The following DLG2 variants were observed in gnomAD, a reference collection of about 807,000 sequenced individuals.
DLG2 encodes the protein disks large homolog 2.
DLG2 carries 45 observed loss-of-function variants against 132.5 expected under a neutral mutation model. The observed-to-expected ratio is 0.34, with a 90% CI of 0.27 to 0.44. The LOEUF (loss-of-function observed/expected upper bound fraction) is 0.44. DLG2 is among the 20% of genes least tolerant of loss of function. DLG2 has a pLI of 1.00. For missense variants in DLG2, 1,045 were observed against 1,196.9 expected (o/e 0.87, Z 1.87); for synonymous variants, 424 against 419.6 (o/e 1.01, Z -0.13).
intron 4 of DLG2, among the ~76,000 whole-genome samples, chr11:85,211,348 T>G (rs1014189245): frequency 6.6e-6 from 1 of 152,168 alleles, no homozygotes; most frequent in Admixed American, 6.6e-5. Context: ...GTATTCACAA[T>G]GTATGGAGCA....
At chr11:85,133,174 C>T (rs1011185781) in intron 5 of DLG2, 35 of 174,652 alleles carry the variant, frequency 2.0e-4, no homozygotes, top group Admixed American at 8.9e-4. Context: ...TCAGCTCTTG[C>T]TCTTGTTTCT....
chr11:85,145,251 A>G (rs1198115474), intron 5 of DLG2, among the ~76,000 whole-genome samples: 1 of 151,706 alleles, frequency 6.6e-6, no homozygotes, highest in Non-Finnish European at 1.5e-5. Context: ...TTCATTTAGG[A>G]TCCTTTCTTT....
chr11:85,594,786 G>C (rs887902681), intron 3 of DLG2, among the ~76,000 whole-genome samples: 3 of 152,068 alleles, frequency 2.0e-5, no homozygotes, highest in Admixed American at 6.5e-5. Flanking sequence ...AATGATTCAA[G>C]GCCGGGCACG....
intron 8 of DLG2, among the ~76,000 whole-genome samples, chr11:84,174,966 A>G (rs554076482): frequency 4.6e-5 from 7 of 152,182 alleles, no homozygotes; most frequent in Non-Finnish European, 8.8e-5. Context: ...CAAAGAAGCT[A>G]GTTTCTAAGT....
chr11:84,532,250 C>T (rs193125176), intron 7 of DLG2, among the ~76,000 whole-genome samples: 12 of 150,208 alleles, frequency 8.0e-5, no homozygotes, highest in African/African-American at 2.9e-4. Flanking sequence ...AATCTCACTA[C>T]TTTCAGGCAT....
At chr11:85,171,382 C>A (rs1163678256) in intron 4 of DLG2, among the ~76,000 whole-genome samples, 2 of 152,076 alleles carry the variant, frequency 1.3e-5, no homozygotes, top group Admixed American at 1.3e-4. Flanking sequence ...CCATGGTTTC[C>A]CCATGGATCT....
intron 6 of DLG2, among the ~76,000 whole-genome samples, chr11:84,982,560 C>T (rs1437536937): frequency 6.6e-6 from 1 of 152,070 alleles, no homozygotes; most frequent in Non-Finnish European, 1.5e-5. Context: ...GTACAAACTA[C>T]CACCTATAAC....
chr11:84,343,665 T>C (rs1006569022), intron 7 of DLG2, among the ~76,000 whole-genome samples: 6 of 152,318 alleles, frequency 3.9e-5, no homozygotes, highest in African/African-American at 7.2e-5. Context: ...GCAATAGTAA[T>C]AATTTTGTTA....
intron 9 of DLG2, among the ~76,000 whole-genome samples, chr11:84,117,766 T>C (rs556726347): frequency 1.3e-5 from 2 of 152,352 alleles, no homozygotes; most frequent in African/African-American, 4.8e-5. Flanking sequence ...ATATAATAAA[T>C]ATGCAATAAG....
chr11:84,556,426 A>T (rs2099412084), intron 6 of DLG2, among the ~76,000 whole-genome samples: 2 of 152,338 alleles, frequency 1.3e-5, no homozygotes, highest in South Asian at 2.1e-4. Context: ...TGGTTAGAGC[A>T]AGAGTATCCA....
intron 6 of DLG2, among the ~76,000 whole-genome samples, chr11:84,801,450 AG>A (rs2075366670): frequency 1.3e-5 from 2 of 152,226 alleles, no homozygotes; most frequent in Admixed American, 6.5e-5. Flanking sequence ...GGGCGCCTGT[AG>A]TCCCAGCTAC....
intron 6 of DLG2, among the ~76,000 whole-genome samples, chr11:84,845,345 A>T (rs1359461955): frequency 6.6e-6 from 1 of 152,144 alleles, no homozygotes; most frequent in Non-Finnish European, 1.5e-5. Flanking sequence ...GGCCAGGTAC[A>T]ATTTTAGGTG....
chr11:85,196,796 G>A (rs1246022758), intron 4 of DLG2, among the ~76,000 whole-genome samples: 2 of 152,150 alleles, frequency 1.3e-5, no homozygotes, highest in Non-Finnish European at 2.9e-5. Context: ...ACTACATGTG[G>A]AAAGTAGCTT....
At chr11:85,022,085 A>T (rs1459344474) in intron 6 of DLG2, among the ~76,000 whole-genome samples, 1 of 152,082 alleles carries the variant, frequency 6.6e-6, no homozygotes, top group East Asian at 1.9e-4. Flanking sequence ...TTAGTCATAA[A>T]ATAGGAATGT....
chr11:84,215,481 G>C (rs2096824013), intron 8 of DLG2, among the ~76,000 whole-genome samples: 1 of 151,946 alleles, frequency 6.6e-6, no homozygotes, highest in Admixed American at 6.6e-5. Context: ...GCAGTTTCCA[G>C]GCTGTTAACA....
intron 7 of DLG2, among the ~76,000 whole-genome samples, chr11:84,373,067 C>G (rs2098712456): frequency 6.6e-6 from 1 of 151,318 alleles, no homozygotes; most frequent in African/African-American, 2.4e-5. Flanking sequence ...GAAAGAGAGA[C>G]AGAGAGAGGC....
intron 3 of DLG2, among the ~76,000 whole-genome samples, chr11:85,351,149 G>C (rs187781775): frequency 1.3e-3 from 204 of 152,266 alleles, no homozygotes; most frequent in Non-Finnish European, 2.3e-3. Flanking sequence ...GTATTCCTAA[G>C]TATTTTATTC....
In DLG2 at chr11:84,812,577, G is replaced by T. The variant is rs561465034; in HGVS notation, c.358-277846C>A. Among the ~76,000 whole-genome samples the T allele has an allele frequency of 1.2e-4, 19 of 152,220 alleles. 1 individual carries two copies. Among genetic ancestry groups the T allele is most frequent in the African/African-American group, 4.3e-4 (18 of 41,554 alleles). ...AGTTACCATAGCAGTCAGCTTAAGT[G>T]CATATTTTCCATAGCAACGTAGGAA... On this transcript the variant is annotated intron_variant, in intron 6 of 27. Coordinates refer to ENST00000376104, the MANE Select transcript of DLG2 (RefSeq NM_001142699.3).
chr11:85,122,684 T>G (rs1418436758), intron 5 of DLG2, among the ~76,000 whole-genome samples: 1 of 151,916 alleles, frequency 6.6e-6, no homozygotes, highest in African/African-American at 2.4e-5. Context: ...GGGACTAAGA[T>G]CCTGCATTTC....
Sources: allele counts gnomAD v4.1 joint callset (sites outside exome capture counted in the v4.1 genomes callset), GRCh38; gene constraint gnomAD v4.1.1; transcripts MANE v1.5; gene names NCBI Gene and HGNC (gene_info 2026-07-23, HGNC 2026-07-21).